Variants in GRIK2 observed in about 807,000 individuals in gnomAD.
GRIK2 encodes glutamate ionotropic receptor kainate type subunit 2.
In GRIK2, 32 loss-of-function variants were observed where a neutral mutation model predicts 100.3. The ratio of observed to expected loss-of-function variants is 0.32; its 90% CI spans 0.24 to 0.43. The LOEUF is 0.43. Among genes scored for constraint, GRIK2 ranks in the 20% least tolerant of loss-of-function variants. GRIK2 has a pLI of 1.00. For missense variants in GRIK2, 843 were observed against 1,114.9 expected (o/e 0.76, Z 3.47); for synonymous variants, 417 against 389.4 (o/e 1.07, Z -0.83).
intron 7 of GRIK2, among the ~76,000 whole-genome samples, chr6:101,795,235 T>C (rs1780213638): frequency 6.6e-6 from 1 of 152,136 alleles, no homozygotes; most frequent in South Asian, 2.1e-4. Context: ...ATCTATGGTA[T>C]TGGTTGAGGG....
chr6:101,919,570 G>A (rs1391696764), intron 12 of GRIK2, among the ~76,000 whole-genome samples: 1 of 151,758 alleles, frequency 6.6e-6, no homozygotes, highest in Non-Finnish European at 1.5e-5. Flanking sequence ...GAAATCCATT[G>A]AGGGAGAATT....
chr6:101,869,557 G>A (rs897281719), intron 11 of GRIK2, among the ~76,000 whole-genome samples: 6 of 151,938 alleles, frequency 3.9e-5, no homozygotes, highest in African/African-American at 1.2e-4. Flanking sequence ...ATCTGATCAA[G>A]TCTTTTGTAT....
intron 2 of GRIK2, among the ~76,000 whole-genome samples, chr6:101,558,806 C>T (rs2128294811): frequency 6.6e-6 from 1 of 152,088 alleles, no homozygotes; most frequent in African/African-American, 2.4e-5. Context: ...ATATTTTGCA[C>T]ATTGCAGTTG....
chr6:101,904,862 G>T lies in GRIK2; in HGVS notation c.1748+14999G>T, dbSNP rs149601145. ...TTTATAAATGATCAGTACTCAAGGT[G>T]GATTAATTATGTAGATTTTAATTTC... On this transcript the variant is annotated intron_variant, in intron 12 of 16. Transcript: ENST00000369134. Among the ~76,000 whole-genome samples the T allele has an allele frequency of 2.7e-3, 404 of 151,426 alleles. 3 individuals carry two copies. The highest frequency in any genetic ancestry group is 8.8e-3 in the African/African-American group (365 of 41,424).
chr6:101,594,684 T>C (rs1465415036), intron 2 of GRIK2, among the ~76,000 whole-genome samples: 2 of 151,754 alleles, frequency 1.3e-5, no homozygotes, highest in African/African-American at 2.4e-5. Flanking sequence ...TGGTAGCTTC[T>C]AAGTAAAATT....
intron 4 of GRIK2, among the ~76,000 whole-genome samples, chr6:101,646,469 T>G (rs1429560250): frequency 6.6e-6 from 1 of 151,934 alleles, no homozygotes. Context: ...TATGAAAATA[T>G]GTATTATCTT....
chr6:101,534,904 T>G (rs1775614420), intron 2 of GRIK2, among the ~76,000 whole-genome samples: 1 of 151,648 alleles, frequency 6.6e-6, no homozygotes, highest in Non-Finnish European at 1.5e-5. Flanking sequence ...TTATAAGCCG[T>G]GTACTTGAAC....
intron 12 of GRIK2, among the ~76,000 whole-genome samples, chr6:101,911,352 A>G (rs770271776): frequency 2.6e-5 from 4 of 151,618 alleles, no homozygotes; most frequent in Non-Finnish European, 4.4e-5. Context: ...ATTACATTTC[A>G]TCAATAGATT....
At chr6:102,008,514 C>A (rs561916411) in intron 14 of GRIK2, among the ~76,000 whole-genome samples, 1 of 151,932 alleles carries the variant, frequency 6.6e-6, no homozygotes, top group East Asian at 1.9e-4. Context: ...GCACAAATTA[C>A]AATTAACAAA....
chr6:101,447,323 T>A (rs1208212312), intron 2 of GRIK2, among the ~76,000 whole-genome samples: 1 of 151,634 alleles, frequency 6.6e-6, no homozygotes, highest in Non-Finnish European at 1.5e-5. Flanking sequence ...TAAATTTGAT[T>A]TCTTCTCAGG....
chr6:101,725,605 A>C (rs1369854776), intron 7 of GRIK2, among the ~76,000 whole-genome samples: 1 of 152,016 alleles, frequency 6.6e-6, no homozygotes, highest in Non-Finnish European at 1.5e-5. Flanking sequence ...GAAAAGATGT[A>C]ATATTTTTAT....
intron 14 of GRIK2, among the ~76,000 whole-genome samples, chr6:102,008,463 G>T (rs1251710288): frequency 6.6e-6 from 1 of 151,994 alleles, no homozygotes; most frequent in Admixed American, 6.6e-5. Context: ...CAATGATAAA[G>T]AAAAGTAAAA....
At chr6:101,495,707 T>C (rs982197356) in intron 2 of GRIK2, among the ~76,000 whole-genome samples, 9 of 152,178 alleles carry the variant, frequency 5.9e-5, no homozygotes, top group Non-Finnish European at 1.3e-4. Context: ...TTCTGATTCA[T>C]GTCAAGTTAT....
chr6:101,537,430 G>T (rs7451075), intron 2 of GRIK2, among the ~76,000 whole-genome samples: 389 of 111,284 alleles, frequency 3.5e-3, no homozygotes, highest in Admixed American at 5.8e-3. Flanking sequence ...GTGTGTGTTT[G>T]TGTGTGTGTG....
intron 2 of GRIK2, among the ~76,000 whole-genome samples, chr6:101,511,373 A>C (rs1774304176): frequency 6.6e-6 from 1 of 152,092 alleles, no homozygotes; most frequent in African/African-American, 2.4e-5. Flanking sequence ...GATGCCTTAC[A>C]GTTCTGTAAA....
chr6:101,624,708 G>C (rs979483198), intron 3 of GRIK2, among the ~76,000 whole-genome samples: 2 of 151,964 alleles, frequency 1.3e-5, no homozygotes, highest in Non-Finnish European at 2.9e-5. Flanking sequence ...TTGCCTCTTG[G>C]GGAAGACTAT....
At chr6:101,539,165 A>G (rs1775867166) in intron 2 of GRIK2, among the ~76,000 whole-genome samples, 1 of 151,810 alleles carries the variant, frequency 6.6e-6, no homozygotes, top group African/African-American at 2.4e-5. Flanking sequence ...AAATAAAAAT[A>G]AAAGCTTCTG....
chr6:101,438,889 T>C (rs1212461826), intron 2 of GRIK2, among the ~76,000 whole-genome samples: 4 of 152,174 alleles, frequency 2.6e-5, no homozygotes, highest in Admixed American at 6.6e-5. Context: ...ACATGCACTT[T>C]TGTAAACTGC....
chr6:101,827,547 A>G (rs924384723), intron 10 of GRIK2, among the ~76,000 whole-genome samples: 1 of 151,966 alleles, frequency 6.6e-6, no homozygotes, highest in East Asian at 1.9e-4. Context: ...ACATGTAATG[A>G]CACCCATAGA....
Sources: allele counts gnomAD v4.1 joint callset (sites outside exome capture counted in the v4.1 genomes callset), GRCh38; gene constraint gnomAD v4.1.1; transcripts MANE v1.5; gene names NCBI Gene and HGNC (gene_info 2026-07-23, HGNC 2026-07-21).